PHC3: variants seen among roughly 807,000 people sequenced by gnomAD.
PHC3 encodes polyhomeotic homolog 3.
A neutral mutation model predicts 107.4 loss-of-function variants in PHC3; 13 were observed. The ratio of observed to expected loss-of-function variants is 0.12; its 90% CI spans 0.08 to 0.19. The LOEUF (loss-of-function observed/expected upper bound fraction) is 0.19. Ranked by LOEUF, PHC3 falls within the 10% of genes least tolerant of loss-of-function variation. PHC3 has a pLI of 1.00. For missense variants in PHC3, 992 were observed against 1,210.9 expected, an observed-to-expected ratio of 0.82 and a Z score of 2.68; for synonymous variants, 456 against 427.4, an observed-to-expected ratio of 1.07 and a Z score of -0.83.
chr3:170,097,376 C>A lies in PHC3; in HGVS notation c.2842G>T (p.Asp948Tyr), dbSNP rs1414828150. 6.2e-7 allele frequency: 1 copy of A among 1,612,190 alleles called. No individual in the cohort carries two copies. The highest frequency in any genetic ancestry group is 2.2e-5 in the East Asian group (1 of 44,856). Residue 948 changes from aspartate (D) to tyrosine (Y), a missense_variant, in exon 15 of 15, where the codon GAT becomes TAT. Asp to Tyr is a radical substitution (Grantham distance 160). Transcript: ENST00000495893. The surrounding 1 kb of genome is among the most constrained non-coding windows in gnomAD (Gnocchi z 4.1). ...AFIHSLPGCQDIADEFRAQEI... is the reference protein window; with the variant it reads ...AFIHSLPGCQYIADEFRAQEI... ...TGTGCTCTGAATTCATCTGCGATAT[C>A]CTGGCAGCCTGGAATTTGACCAGAG...
intron 4 of PHC3, among the ~76,000 whole-genome samples, chr3:170,164,615 G>A (rs915139307): frequency 6.6e-5 from 10 of 151,898 alleles, no homozygotes; most frequent in African/African-American, 2.4e-4. Flanking sequence ...GACCCCAAAA[G>A]GTAAAGGAAA....
intron 2 of PHC3, chr3:170,176,965 G>C (rs1199169749): frequency 2.2e-6 from 1 of 448,616 alleles, no homozygotes; most frequent in Non-Finnish European, 4.5e-6. Flanking sequence ...AAGTATAATA[G>C]AGTGGAAGGT....
At chr3:170,180,885 A>G (rs1416043323) in intron 1 of PHC3, among the ~76,000 whole-genome samples, 15 of 152,238 alleles carry the variant, frequency 9.9e-5, no homozygotes, top group Admixed American at 9.8e-4. Flanking sequence ...TGGCCAAACC[A>G]TCGCACTGCA....
At chr3:170,121,782 T>G (rs1720388510) in intron 9 of PHC3, among the ~76,000 whole-genome samples, 1 of 152,242 alleles carries the variant, frequency 6.6e-6, no homozygotes, top group African/African-American at 2.4e-5. Context: ...TATTTAAATC[T>G]TTTGAAAGAA....
At chr3:170,146,535 C>CTTTTTTTTTTT (rs373420736) in intron 5 of PHC3, among the ~76,000 whole-genome samples, 10 of 123,482 alleles carry the variant, frequency 8.1e-5, no homozygotes, top group Non-Finnish European at 1.0e-4. Context: ...TTTTCTTTTT[C>CTTTTTTTTTTT]TTTTTTTTTT....
At position 170,105,595 on chromosome 3, in the gene PHC3, C is replaced by T. The variant is rs150126439; in HGVS notation, c.2468+1237G>A. Among the ~76,000 whole-genome samples, 563 of 152,178 alleles carry T rather than the reference C, an allele frequency of 3.7e-3. 6 individuals carry two copies. The highest frequency in any genetic ancestry group is 0.013 in the African/African-American group (553 of 41,504). ...TTTAATACATTCATATAATCTGTAA[C>T]GATCAAATCAGTGTACTTGGGATAT... On this transcript the variant is annotated intron_variant, in intron 12 of 14. Coordinates refer to ENST00000495893, the MANE Select transcript of PHC3 (RefSeq NM_024947.4).
intron 7 of PHC3, 67 bp from the exon 8 acceptor site, chr3:170,129,619 A>C (rs1721920969): frequency 7.2e-7 from 1 of 1,396,032 alleles, no homozygotes; most frequent in African/African-American, 1.4e-5. Context: ...ATCACTCTAA[A>C]GGAAAAAGTG....
intron 11 of PHC3, 32 bp downstream of exon 11, chr3:170,113,323 GTTAAA>G (rs1718196804): frequency 2.6e-6 from 4 of 1,557,196 alleles, no homozygotes; most frequent in South Asian, 1.2e-5. Flanking sequence ...AAAAGTCAAA[GTTAAA>G]TTAAAGGGTA....
chr3:170,138,604 T>C (rs1405006909), intron 6 of PHC3, among the ~76,000 whole-genome samples: 1 of 148,902 alleles, frequency 6.7e-6, no homozygotes, highest in Non-Finnish European at 1.5e-5. Context: ...GCAGGAGAAT[T>C]GCTTGAAACC....
chr3:170,112,255 G>C (rs1425942460), intron 11 of PHC3, among the ~76,000 whole-genome samples: 1 of 151,782 alleles, frequency 6.6e-6, no homozygotes, highest in African/African-American at 2.4e-5. Context: ...TCTGTCGCCA[G>C]GCTGGAGTGC....
rs571257814 is a variant in PHC3, at chr3:170,178,175, G to A, written c.180+598C>T. Reference sequence around the variant, plus strand: ...TTTTTTTTTTTTGAGACGGAGTCTCGTTCTGTCGCTCAGGCGGGAGTGCTG... The same window carrying A: ...TTTTTTTTTTTTGAGACGGAGTCTCATTCTGTCGCTCAGGCGGGAGTGCTG... On this transcript the variant is annotated intron_variant, in intron 2 of 14. Transcript: ENST00000495893. 6.6e-3 allele frequency among the ~76,000 whole-genome samples: 946 copies of A among 143,316 alleles called. 15 individuals carry two copies. The highest frequency in any genetic ancestry group is 5.0e-3 in the Non-Finnish European group (333 of 66,722). The allele number at this position is 143,316 out of a possible 152,430, so 94.0% of individuals were successfully genotyped here.
chr3:170,122,801 G>A, intron 8 of PHC3, 57 bp from the exon 9 acceptor site: 1 of 1,558,622 alleles, frequency 6.4e-7, no homozygotes, highest in Non-Finnish European at 8.7e-7. Flanking sequence ...TTTATCAGGT[G>A]TTCTTAATTT....
chr3:170,132,328 T>C (rs1266489176), intron 7 of PHC3, among the ~76,000 whole-genome samples: 1 of 152,112 alleles, frequency 6.6e-6, no homozygotes, highest in African/African-American at 2.4e-5. Flanking sequence ...TTGCCCAAAA[T>C]CATCTGGCTA....
chr3:170,107,269 T>C (rs553891191), intron 11 of PHC3, among the ~76,000 whole-genome samples: 4 of 152,262 alleles, frequency 2.6e-5, no homozygotes, highest in Admixed American at 6.5e-5. Flanking sequence ...ATGAATAACA[T>C]AGGCATTATC....
In PHC3 at chr3:170,116,755, ACAAAAAT is replaced by A. The variant is rs560128238; in HGVS notation, c.2193+464_2193+470del. Among the ~76,000 whole-genome samples, 236 of 152,036 alleles carry A rather than the reference ACAAAAAT, an allele frequency of 1.6e-3. No homozygotes were observed. In the Middle Eastern group the frequency reaches 0.017, roughly 11 times the overall value. ...CAAGACCTTGTCTCTACAAAAAAAT[ACAAAAAT>A]TAGTGGGGCACGGTGGCGCACACCT... is the stretch of plus-strand genomic sequence containing the variant. On this transcript the variant is annotated intron_variant, in intron 10 of 14. Coordinates refer to ENST00000495893, the MANE Select transcript of PHC3 (RefSeq NM_024947.4).
At chr3:170,135,695 TCAA>T (rs1191475927) in intron 7 of PHC3, among the ~76,000 whole-genome samples, 2 of 150,586 alleles carry the variant, frequency 1.3e-5, no homozygotes, top group African/African-American at 4.9e-5. Context: ...AAAGGTAGGA[TCAA>T]CAACAGGGGC....
intron 4 of PHC3, among the ~76,000 whole-genome samples, chr3:170,166,108 G>T (rs962677549): frequency 1.3e-5 from 2 of 150,192 alleles, no homozygotes; most frequent in African/African-American, 4.9e-5. Flanking sequence ...GCAGTGGTGT[G>T]ATCTCGGCTC....
chr3:170,095,881 CAAGAG>C lies in PHC3; in HGVS notation c.*1344_*1348del, dbSNP rs1291638665. 2 of 152,046 alleles carry C rather than the reference CAAGAG, an allele frequency of 1.3e-5. No individual in the cohort carries two copies. Among genetic ancestry groups the C allele is most frequent in the Admixed American group, 6.6e-5 (1 of 15,238 alleles). 9.4% of individuals were successfully genotyped at this position (152,046 alleles called of 1,614,324 possible). Reference sequence around the variant, plus strand: ...ACATACAAAATTATATCCGATGGTTCAAGAGAAATCACTTGGTAAGTGCTTTGCAG... The same window carrying C: ...ACATACAAAATTATATCCGATGGTTCAAATCACTTGGTAAGTGCTTTGCAG... On this transcript the variant is annotated 3_prime_UTR_variant, in exon 15 of 15. Transcript: ENST00000495893.
In PHC3 at chr3:170,095,660, C is replaced by T. The variant is rs1714559430; in HGVS notation, c.*1570G>A. On this transcript the variant is annotated 3_prime_UTR_variant, in exon 15 of 15. Coordinates refer to ENST00000495893, the MANE Select transcript of PHC3 (RefSeq NM_024947.4). ...TGCCAAATATCTGTGTATGTTCCTT[C>T]AATTACTAAAATATCTCAATTGTGG... The T allele has an allele frequency of 1.3e-5, 2 of 151,988 alleles. No individual in the cohort carries two copies. Among genetic ancestry groups the T allele is most frequent in the Admixed American group, 6.6e-5 (1 of 15,170 alleles). 9.4% of individuals were successfully genotyped at this position (151,988 alleles called of 1,614,324 possible).
Sources: gnomAD v4.1 joint callset for allele counts (sites outside exome capture counted in the v4.1 genomes callset) on GRCh38, gnomAD v4.1.1 for gene constraint, Gnocchi (gnomAD v3.1) non-coding constraint, MANE v1.5 for transcripts, NCBI Gene and HGNC (gene_info 2026-07-23, HGNC 2026-07-21) for gene names.